The following C10orf90 variants were observed in gnomAD, a reference collection of about 807,000 sequenced individuals.
The protein encoded by C10orf90 is chromosome 10 open reading frame 90, also known as (E2-independent) E3 ubiquitin-conjugating enzyme FATS.
In C10orf90, 56 loss-of-function variants were observed where a neutral mutation model predicts 62.5. The ratio of observed to expected loss-of-function variants is 0.90; its 90% CI spans 0.72 to 1.12. The LOEUF (loss-of-function observed/expected upper bound fraction) is 1.12, where lower values mean the gene tolerates loss of function less well. Ranked by LOEUF, C10orf90 falls within the 50% of genes most tolerant of loss-of-function variation. The pLI, the probability that C10orf90 is intolerant of heterozygous loss-of-function variation, is 0.00. For synonymous variants in C10orf90, 386 were observed against 340.4 expected, an observed-to-expected ratio of 1.13 and a Z score of -1.47; for missense variants, 970 against 880.4, an observed-to-expected ratio of 1.10 and a Z score of -1.29.
At chr10:126,618,807 T>A (rs774112249) in intron 2 of C10orf90, among the ~76,000 whole-genome samples, 3 of 152,176 alleles carry the variant, frequency 2.0e-5, no homozygotes, top group Non-Finnish European at 2.9e-5. Flanking sequence ...CATTCTGACT[T>A]CACTCAAAAC....
At chr10:126,511,562 C>T (rs1015715224) in intron 3 of C10orf90, among the ~76,000 whole-genome samples, 6 of 151,388 alleles carry the variant, frequency 4.0e-5, no homozygotes, top group African/African-American at 7.3e-5. Flanking sequence ...CACCAAGAAT[C>T]GCTGTTTTTT....
chr10:126,635,744 C>T (rs1591162951), intron 2 of C10orf90, among the ~76,000 whole-genome samples: 1 of 152,186 alleles, frequency 6.6e-6, no homozygotes, highest in South Asian at 2.1e-4. Context: ...CAGGGGTGCT[C>T]ACCGTCCTCC....
At chr10:126,445,166 T>C (rs975560622) in intron 7 of C10orf90, among the ~76,000 whole-genome samples, 2 of 151,932 alleles carry the variant, frequency 1.3e-5, no homozygotes, top group African/African-American at 4.8e-5. Flanking sequence ...AGACAAATAG[T>C]TGGGACTTAA....
rs200939971 is a variant in C10orf90 at position 126,528,512 on chromosome 10, CG to C, written c.314-14574del. 6.8e-3 allele frequency among the ~76,000 whole-genome samples: 1,029 copies of C among 152,104 alleles called. 13 individuals carry two copies. The highest frequency in any genetic ancestry group is 0.024 in the Middle Eastern group (7 of 292). On this transcript the variant is annotated intron_variant, in intron 2 of 9. Transcript: ENST00000488181. ...AAAGAATGCTTCTGAAGCGTGGTGG[CG>C]AAACTCATTTGAGTAAATGAAGTTC...
intron 2 of C10orf90, among the ~76,000 whole-genome samples, chr10:126,630,862 T>A (rs572168035): frequency 5.1e-4 from 78 of 152,286 alleles, no homozygotes; most frequent in Non-Finnish European, 9.9e-4. Flanking sequence ...TGGGGCTCTA[T>A]TTGCAACAAC....
rs1279306113 is a variant in C10orf90, at chr10:126,504,963, A to C, written c.528T>G (p.Ser176=). The change falls in exon 4 of 10, where the codon TCT becomes TCG. Residue 176 remains serine, a synonymous_variant. Coordinates refer to ENST00000488181, the MANE Select transcript of C10orf90 (RefSeq NM_001350921.2). The surrounding 1 kb of genome is among the most constrained non-coding windows in gnomAD (Gnocchi z 4.1). ...GAGATTGCTTGGCGTGATGTGCACGAGACTGAGCAATGGCACACGGTAGGG... is the reference window on the plus strand; with the variant it reads ...GAGATTGCTTGGCGTGATGTGCACGCGACTGAGCAATGGCACACGGTAGGG... The part of the protein sequence containing the change: ...SLPLPCAIAQ[S]RAHHAKQSLA... 6.2e-7 allele frequency: 1 copy of C among 1,614,218 alleles called. No homozygotes were observed. The highest frequency in any genetic ancestry group is 1.7e-5 in the Admixed American group (1 of 60,032).
At chr10:126,610,861 A>G (rs1591142361) in intron 2 of C10orf90, among the ~76,000 whole-genome samples, 1 of 152,096 alleles carries the variant, frequency 6.6e-6, no homozygotes, top group Non-Finnish European at 1.5e-5. Context: ...TGAAAACCTC[A>G]CCTACAGGCC....
intron 1 of C10orf90, among the ~76,000 whole-genome samples, chr10:126,658,661 A>G (rs1319877823): frequency 1.3e-5 from 2 of 152,228 alleles, no homozygotes; most frequent in Non-Finnish European, 2.9e-5. Context: ...TAGCAAATTT[A>G]AAACACTGTA....
intron 2 of C10orf90, among the ~76,000 whole-genome samples, chr10:126,576,693 G>C (rs371713939): frequency 2.7e-4 from 16 of 58,918 alleles, no homozygotes; most frequent in African/African-American, 5.1e-4. Flanking sequence ...ACATATACAT[G>C]TATATGTATA....
rs576588062 is a variant in C10orf90 at position 126,568,675 on chromosome 10, G to T, written c.314-54736C>A. Among the ~76,000 whole-genome samples the T allele has an allele frequency of 5.9e-5, 9 of 152,262 alleles. No individual in the cohort carries two copies. In the South Asian group the frequency reaches 1.9e-3, roughly 32 times the overall value. ...GATTGTGCAGGGCTTGTACCCAGGGGTTCAGAATCTTAGCATTCTGCCTAC... is the reference window on the plus strand; with the variant it reads ...GATTGTGCAGGGCTTGTACCCAGGGTTTCAGAATCTTAGCATTCTGCCTAC... On this transcript the variant is annotated intron_variant, in intron 2 of 9. Transcript: ENST00000488181.
At chr10:126,638,657 T>C (rs1297258589) in intron 2 of C10orf90, among the ~76,000 whole-genome samples, 1 of 152,128 alleles carries the variant, frequency 6.6e-6, no homozygotes, top group Non-Finnish European at 1.5e-5. Flanking sequence ...TTGGATGGCC[T>C]ATCATATTTC....
At chr10:126,442,481 A>ATATATATCTATATATATATATATATC (rs1564794684) in intron 7 of C10orf90, among the ~76,000 whole-genome samples, 20 of 59,126 alleles carry the variant, frequency 3.4e-4, no homozygotes, top group Admixed American at 2.4e-3. Context: ...AATATTTCAT[A>ATATATATCTATATATATATATATATC]TATATATATA....
chr10:126,610,084 C>T (rs1461049381), intron 2 of C10orf90, among the ~76,000 whole-genome samples: 5 of 152,162 alleles, frequency 3.3e-5, no homozygotes, highest in African/African-American at 9.7e-5. Context: ...CCCTTGGACC[C>T]CTGTTCTCTG....
At chr10:126,586,608 A>C (rs1252452530) in intron 2 of C10orf90, among the ~76,000 whole-genome samples, 1 of 152,092 alleles carries the variant, frequency 6.6e-6, no homozygotes, top group Non-Finnish European at 1.5e-5. Context: ...AGCTGCTCAG[A>C]ATATGCCTAC....
At chr10:126,657,281 G>A (rs562373138) in intron 1 of C10orf90, among the ~76,000 whole-genome samples, 5 of 152,262 alleles carry the variant, frequency 3.3e-5, no homozygotes, top group South Asian at 4.1e-4. Context: ...ATCCTGAACA[G>A]CATCTCTGTA....
At chr10:126,609,274 G>A (rs1214966531) in intron 2 of C10orf90, among the ~76,000 whole-genome samples, 1 of 152,164 alleles carries the variant, frequency 6.6e-6, no homozygotes, top group Non-Finnish European at 1.5e-5. Context: ...ATGGTGGTGG[G>A]CATCTGTAAT....
chr10:126,510,153 C>A (rs1381031982), intron 3 of C10orf90, among the ~76,000 whole-genome samples: 2 of 152,144 alleles, frequency 1.3e-5, no homozygotes, highest in Non-Finnish European at 2.9e-5. Flanking sequence ...TCTTTAAAGA[C>A]CCTACCTCCC....
intron 2 of C10orf90, chr10:126,524,364 T>C (rs542250898): frequency 5.3e-5 from 8 of 152,242 alleles, no homozygotes; most frequent in Non-Finnish European, 1.0e-4. Flanking sequence ...ACACCTTCAA[T>C]GTGGACATCA....
chr10:126,670,278 C>T lies in C10orf90; in HGVS notation c.203G>A (p.Gly68Asp). The T allele has an allele frequency of 2.2e-6, 1 of 456,678 alleles. No homozygotes were observed. The highest frequency in any genetic ancestry group is 4.4e-6 in the Non-Finnish European group (1 of 226,972). The allele number at this position is 456,678 out of a possible 1,614,324, so 28.3% of individuals were successfully genotyped here. ...GGCTGTCTGCTCAGCCGTCTTCAAG[C>T]CTTGACACATATGGATGATACAAAC... is the stretch of plus-strand genomic sequence containing the variant. ...AKVCIIHMCQ[G>D]LKTAEQTASR... Residue 68 changes from glycine (G) to aspartate (D), a missense_variant, in exon 1 of 10, where the codon GGC (glycine) becomes GAC (aspartate). Physicochemically the swap from Gly to Asp is moderately conservative, Grantham distance 94 (BLOSUM62 -1). Coordinates refer to ENST00000488181, the MANE Select transcript of C10orf90 (RefSeq NM_001350921.2).
Sources: gnomAD v4.1 joint callset for allele counts (sites outside exome capture counted in the v4.1 genomes callset) on GRCh38, gnomAD v4.1.1 for gene constraint, Gnocchi (gnomAD v3.1) non-coding constraint, MANE v1.5 for transcripts, NCBI Gene and HGNC (gene_info 2026-07-23, HGNC 2026-07-21) for gene names.